Variants in PTGER3 observed in about 807,000 individuals in gnomAD.
PTGER3 encodes prostaglandin E2 receptor EP3 subtype.
Under a neutral mutation model 34.7 loss-of-function variants are expected in PTGER3, and 22 were observed. The ratio of observed to expected loss-of-function variants is 0.63; its 90% CI spans 0.45 to 0.91. The LOEUF is 0.91. PTGER3 is among the 40% of genes least tolerant of loss of function. The probability of loss-of-function intolerance (pLI) is 0.00; values close to 1 mark genes in which losing one functional copy is unlikely to be tolerated. For missense variants in PTGER3, 468 were observed against 519.4 expected (o/e 0.90, Z 0.96); for synonymous variants, 241 against 230.1 (o/e 1.05, Z -0.43).
chr1:70,880,775 T>G (rs972245944), intron 4 of PTGER3, among the ~76,000 whole-genome samples: 1 of 152,052 alleles, frequency 6.6e-6, no homozygotes, highest in Non-Finnish European at 1.5e-5. Context: ...AAAGTTCCAC[T>G]GTTAGCTTGA....
chr1:71,006,840 G>A (rs1453305280), intron 2 of PTGER3: 2 of 985,214 alleles, frequency 2.0e-6, no homozygotes, highest in Non-Finnish European at 2.4e-6. Context: ...GTTGACATCA[G>A]GAAGAAAACA....
chr1:71,024,589 A>C (rs1658716234), intron 1 of PTGER3, among the ~76,000 whole-genome samples: 1 of 151,448 alleles, frequency 6.6e-6, no homozygotes, highest in South Asian at 2.1e-4. Flanking sequence ...TTGGGGGTAC[A>C]GATTCTAGAG....
Position 71,047,566 on chromosome 1 carries a change from G to T in PTGER3, c.12C>A (p.Thr4=). The change falls in exon 1 of 4, where the codon ACC becomes ACA. Residue 4 remains threonine (T), a synonymous_variant. Transcript: ENST00000306666. The stretch of plus-strand genomic sequence containing the variant: ...AGGGGGCATCCCCTCCGTAGCCCCG[G>T]GTCTCCTTCATGTTGGCTTCGAGGT... The part of the protein sequence containing the change: MKE[T]RGYGGDAPFC... 1 of 1,550,278 alleles carries T rather than the reference G, an allele frequency of 6.5e-7. No homozygotes were observed. Among genetic ancestry groups the T allele is most frequent in the Non-Finnish European group, 8.7e-7 (1 of 1,143,648 alleles).
intron 1 of PTGER3, among the ~76,000 whole-genome samples, chr1:71,031,903 T>C (rs966475499): frequency 6.6e-6 from 1 of 152,186 alleles, no homozygotes; most frequent in Non-Finnish European, 1.5e-5. Context: ...AAATAGATGC[T>C]AGAGAAAAGA....
chr1:70,922,560 T>C (rs1334316410), intron 4 of PTGER3, among the ~76,000 whole-genome samples: 1 of 152,082 alleles, frequency 6.6e-6, no homozygotes, highest in Non-Finnish European at 1.5e-5. Flanking sequence ...TTATCTGCAC[T>C]TCTGTCTGGG....
At chr1:71,044,407 A>G (rs1366209796) in intron 1 of PTGER3, among the ~76,000 whole-genome samples, 1 of 148,306 alleles carries the variant, frequency 6.7e-6, no homozygotes, top group East Asian at 2.0e-4. Flanking sequence ...ACTGCACTCC[A>G]GCCTGGAGTT....
At chr1:70,919,533 T>A (rs1647327445) in intron 4 of PTGER3, among the ~76,000 whole-genome samples, 2 of 152,204 alleles carry the variant, frequency 1.3e-5, no homozygotes, top group Non-Finnish European at 2.9e-5. Flanking sequence ...ATCTAATACA[T>A]CTACTTGTAT....
intron 1 of PTGER3, among the ~76,000 whole-genome samples, chr1:71,035,229 A>T (rs912755612): frequency 8.5e-5 from 13 of 152,252 alleles, no homozygotes. Context: ...AGTATAGAAA[A>T]TCAATACAAA....
chr1:70,986,879 A>G (rs1369581728), intron 2 of PTGER3, among the ~76,000 whole-genome samples: 2 of 152,180 alleles, frequency 1.3e-5, no homozygotes, highest in Non-Finnish European at 2.9e-5. Flanking sequence ...CAACCGCAAG[A>G]TCAAGAACCC....
intron 2 of PTGER3, among the ~76,000 whole-genome samples, chr1:70,987,636 T>C (rs1655047319): frequency 6.6e-6 from 1 of 152,178 alleles, no homozygotes; most frequent in African/African-American, 2.4e-5. Context: ...GTGGTCACTG[T>C]CAGGGGCAAA....
intron 1 of PTGER3, among the ~76,000 whole-genome samples, chr1:71,040,645 TTGGGCAGACC>T (rs1660234731): frequency 6.6e-6 from 1 of 152,026 alleles, no homozygotes; most frequent in South Asian, 2.1e-4. Context: ...TAAACACGTA[TTGGGCAGACC>T]TTATGTGGCA....
intron 4 of PTGER3, among the ~76,000 whole-genome samples, chr1:70,942,584 C>G (rs1316223907): frequency 1.3e-5 from 2 of 152,128 alleles, no homozygotes; most frequent in Non-Finnish European, 2.9e-5. Flanking sequence ...TTCTTTAAGA[C>G]TGGGTCAAGC....
chr1:70,935,587 A>T (rs1479289590), intron 4 of PTGER3, among the ~76,000 whole-genome samples: 1 of 151,298 alleles, frequency 6.6e-6, no homozygotes, highest in Admixed American at 6.6e-5. Context: ...TTTTGCTTTT[A>T]CTTAACAAAT....
At chr1:70,880,930 C>T (rs930529255) in intron 4 of PTGER3, among the ~76,000 whole-genome samples, 1 of 151,836 alleles carries the variant, frequency 6.6e-6, no homozygotes, top group East Asian at 1.9e-4. Context: ...CTCTGCATTT[C>T]CTGGATTTAA....
chr1:70,871,949 A>G (rs1403151740), intron 4 of PTGER3, among the ~76,000 whole-genome samples: 1 of 152,194 alleles, frequency 6.6e-6, no homozygotes, highest in Non-Finnish European at 1.5e-5. Flanking sequence ...TCAGATTAAG[A>G]TACTTTCATC....
intron 3 of PTGER3, among the ~76,000 whole-genome samples, chr1:70,953,392 A>G (rs1650973894): frequency 6.6e-6 from 1 of 152,136 alleles, no homozygotes; most frequent in African/African-American, 2.4e-5. Context: ...GCAGTATTTA[A>G]GAGCTGCCAT....
rs59163586 is a variant in PTGER3, at chr1:70,917,403, TTGTGTGTGTG to T, written c.*23+36350_*23+36359del. On this transcript the variant is annotated intron_variant, in intron 4 of 4. Transcript: ENST00000370931. Reference sequence around the variant, plus strand: ...TTTTATGGCTAAATAGTATTTTATTTTGTGTGTGTGTGTGTGTGTGTGTGTGTGTGTGTGT... The same window carrying T: ...TTTTATGGCTAAATAGTATTTTATTTTGTGTGTGTGTGTGTGTGTGTGTGT... 7.7e-3 allele frequency among the ~76,000 whole-genome samples: 1,046 copies of T among 136,376 alleles called. 17 individuals carry two copies. Among genetic ancestry groups the T allele is most frequent in the African/African-American group, 0.027 (965 of 35,670 alleles). The allele number at this position is 136,376 out of a possible 152,430, so 89.5% of individuals were successfully genotyped here.
intron 4 of PTGER3, among the ~76,000 whole-genome samples, chr1:70,856,605 T>C (rs1288782366): frequency 6.6e-6 from 1 of 152,216 alleles, no homozygotes; most frequent in Non-Finnish European, 1.5e-5. Context: ...CAACTCTTTA[T>C]TATGGGCTTT....
intron 4 of PTGER3, among the ~76,000 whole-genome samples, chr1:70,885,991 G>T (rs1280317650): frequency 1.3e-5 from 2 of 152,110 alleles, no homozygotes; most frequent in Non-Finnish European, 2.9e-5. Context: ...AACCTCATAT[G>T]ATCCTCACAA....
Sources: allele counts gnomAD v4.1 joint callset (sites outside exome capture counted in the v4.1 genomes callset), GRCh38; gene constraint gnomAD v4.1.1; transcripts MANE v1.5; gene names NCBI Gene and HGNC (gene_info 2026-07-23, HGNC 2026-07-21).